SEC23A: variants seen among roughly 807,000 people sequenced by gnomAD.
SEC23A encodes the protein SEC23 homolog A, COPII component.
Under a neutral mutation model 103.7 loss-of-function variants are expected in SEC23A, and 56 were observed. That is an observed-to-expected ratio of 0.54 (90% CI 0.44 to 0.67). The LOEUF (loss-of-function observed/expected upper bound fraction) is 0.67. Ranked by LOEUF, SEC23A falls within the 30% of genes least tolerant of loss-of-function variation. SEC23A has a pLI of 0.00. For missense variants in SEC23A, 784 were observed against 936.4 expected, an observed-to-expected ratio of 0.84 and a Z score of 2.12; for synonymous variants, 281 against 293.0, an observed-to-expected ratio of 0.96 and a Z score of 0.42.
intron 5 of SEC23A, among the ~76,000 whole-genome samples, chr14:39,089,160 C>T (rs1243447443): frequency 5.3e-5 from 7 of 131,206 alleles, no homozygotes; most frequent in Admixed American, 2.5e-4. Context: ...AGCAAGACTC[C>T]GTGTCAAAAA....
intron 1 of SEC23A, among the ~76,000 whole-genome samples, chr14:39,102,674 A>T (rs1594496482): frequency 6.6e-6 from 1 of 151,948 alleles, no homozygotes; most frequent in Non-Finnish European, 1.5e-5. Flanking sequence ...AGGACACTCC[A>T]TATCTGGCAA....
At chr14:39,098,208 G>C (rs1184992682) in intron 1 of SEC23A, among the ~76,000 whole-genome samples, 2 of 152,138 alleles carry the variant, frequency 1.3e-5, no homozygotes, top group Non-Finnish European at 2.9e-5. Context: ...GGGATATTCA[G>C]AGGAGAGTTA....
chr14:39,101,740 C>A (rs975145035), intron 1 of SEC23A, among the ~76,000 whole-genome samples: 1 of 152,056 alleles, frequency 6.6e-6, no homozygotes, highest in African/African-American at 2.4e-5. Context: ...GAGTTCCTTC[C>A]AATTACATGT....
chr14:39,098,188 A>G (rs1887957167), intron 1 of SEC23A, among the ~76,000 whole-genome samples: 2 of 152,138 alleles, frequency 1.3e-5, no homozygotes, highest in Non-Finnish European at 2.9e-5. Flanking sequence ...TAATGATAAA[A>G]CAAAGGTGTG....
At position 39,073,231 on chromosome 14, in the gene SEC23A, C is replaced by T. The variant is rs1886896241; in HGVS notation, c.1103+1184G>A. On this transcript the variant is annotated intron_variant, in intron 9 of 19. Coordinates refer to ENST00000307712, the MANE Select transcript of SEC23A (RefSeq NM_006364.4). ...TAAAATAAAATATTAGTACATTCTA[C>T]AGTCTGGATGAACCTTGAAAACATT... Among the ~76,000 whole-genome samples, 4 of 152,192 alleles carry T rather than the reference C, an allele frequency of 2.6e-5. No homozygotes were observed. In the South Asian group the frequency reaches 8.3e-4, roughly 31 times the overall value.
chr14:39,047,485 A>T (rs1281931825), intron 15 of SEC23A: 1 of 927,482 alleles, frequency 1.1e-6, no homozygotes, highest in East Asian at 6.8e-5. Flanking sequence ...GCAATAAAGG[A>T]TCCTCAAAAC....
chr14:39,093,691 G>T (rs933585424), intron 2 of SEC23A, among the ~76,000 whole-genome samples: 1 of 152,088 alleles, frequency 6.6e-6, no homozygotes, highest in Non-Finnish European at 1.5e-5. Context: ...AGCCCAGGTG[G>T]TCAAAGATAC....
intron 19 of SEC23A, among the ~76,000 whole-genome samples, chr14:39,037,560 G>A (rs1885501757): frequency 6.6e-6 from 1 of 152,104 alleles, no homozygotes; most frequent in Non-Finnish European, 1.5e-5. Context: ...ACTTCTGGAA[G>A]TTGAAGCCAT....
Position 39,087,019 on chromosome 14 carries a change from A to T in SEC23A, c.604-11T>A, listed in dbSNP as rs762808851. On this transcript the variant is annotated splice_polypyrimidine_tract_variant and intron_variant, in intron 5 of 19. Transcript: ENST00000307712. ...GAGCCCCAGCATTTCCTGTAAAGAG[A>T]TTACTTGTGCAATATTCATTTAATT... The T allele has an allele frequency of 7.1e-7, 1 of 1,409,354 alleles. No individual in the cohort carries two copies. The highest frequency in any genetic ancestry group is 1.1e-5 in the South Asian group (1 of 87,136). The allele number at this position is 1,409,354 out of a possible 1,614,324, so 87.3% of individuals were successfully genotyped here. A position where few individuals can be genotyped will look rare whatever the true frequency, so the allele number is the denominator to read the frequency against.
intron 2 of SEC23A, chr14:39,094,939 A>G: frequency 1.5e-6 from 1 of 689,084 alleles, no homozygotes; most frequent in Non-Finnish European, 2.6e-6. Flanking sequence ...CATTCCAAGA[A>G]TAAGAAGCTA....
intron 9 of SEC23A, among the ~76,000 whole-genome samples, chr14:39,071,035 GAA>G (rs950639437): frequency 1.4e-5 from 2 of 142,668 alleles, no homozygotes; most frequent in African/African-American, 5.1e-5. Flanking sequence ...CTCAAAAAAA[GAA>G]AAAAAAAAGA....
At chr14:39,061,174 G>A (rs926940556) in intron 13 of SEC23A, among the ~76,000 whole-genome samples, 3 of 151,812 alleles carry the variant, frequency 2.0e-5, no homozygotes, top group Non-Finnish European at 4.4e-5. Flanking sequence ...AAAAGCATCT[G>A]TACCCGAAGG....
chr14:39,035,688 A>G (rs1241621822), intron 19 of SEC23A, among the ~76,000 whole-genome samples: 1 of 152,162 alleles, frequency 6.6e-6, no homozygotes, highest in African/African-American at 2.4e-5. Flanking sequence ...CAGATTTCCA[A>G]TATTCTAATC....
At chr14:39,058,628 T>G (rs979645604) in intron 13 of SEC23A, among the ~76,000 whole-genome samples, 2 of 152,220 alleles carry the variant, frequency 1.3e-5, no homozygotes, top group Admixed American at 1.3e-4. Flanking sequence ...TTTTTAATTT[T>G]CTTTCAATAA....
At chr14:39,102,631 T>C (rs981032064) in intron 1 of SEC23A, among the ~76,000 whole-genome samples, 1 of 152,206 alleles carries the variant, frequency 6.6e-6, no homozygotes, top group Non-Finnish European at 1.5e-5. Flanking sequence ...CAAGGCTGAA[T>C]TACGGTGACG....
At chr14:39,092,662 AT>A in intron 3 of SEC23A, 35 bp from the exon 4 acceptor site, 1 of 1,198,110 alleles carries the variant, frequency 8.3e-7, no homozygotes, top group Non-Finnish European at 1.2e-6. Flanking sequence ...TTTTTAACAA[AT>A]TATAGGCTAG....
chr14:39,094,397 C>T (rs11157045), intron 2 of SEC23A, among the ~76,000 whole-genome samples: 579 of 7,832 alleles, frequency 0.074, 34 homozygotes, highest in South Asian at 0.14. Context: ...CACACACACA[C>T]ATATATATAT....
chr14:39,085,954 G>A (rs1887429341), intron 6 of SEC23A, 48 bp from the exon 7 acceptor site: 4 of 1,500,192 alleles, frequency 2.7e-6, no homozygotes, highest in African/African-American at 2.8e-5. Flanking sequence ...GTTTATGGGT[G>A]AGAGTTCGAT....
In SEC23A at chr14:39,040,718, T is replaced by C; in HGVS notation, c.2142+14A>G. ...AACAACAAACAAACACACAAACAAA[T>C]TAACACTACTTACCTGGCTGCCTCC... On this transcript the variant is annotated intron_variant, in intron 18 of 19. Transcript: ENST00000307712. 6.2e-7 allele frequency: 1 copy of C among 1,614,040 alleles called. No homozygotes were observed. The highest frequency in any genetic ancestry group is 8.5e-7 in the Non-Finnish European group (1 of 1,179,984).
Sources: gnomAD v4.1 joint callset for allele counts (sites outside exome capture counted in the v4.1 genomes callset) on GRCh38, gnomAD v4.1.1 for gene constraint, MANE v1.5 for transcripts, NCBI Gene and HGNC (gene_info 2026-07-23, HGNC 2026-07-21) for gene names.